ADGRG4: variants seen among roughly 807,000 people sequenced by gnomAD.
ADGRG4 encodes the protein G protein-coupled receptor 112.
ADGRG4 carries 122 observed loss-of-function variants against 126.2 expected under a neutral mutation model. The observed-to-expected ratio is 0.97, with a 90% CI of 0.83 to 1.12. The LOEUF (loss-of-function observed/expected upper bound fraction) is 1.12. ADGRG4 is among the 50% of genes most tolerant of loss of function. The pLI is 0.00. For synonymous variants in ADGRG4, 943 were observed against 838.7 expected, an observed-to-expected ratio of 1.12 and a Z score of -2.15; for missense variants, 2,481 against 2,251.8, an observed-to-expected ratio of 1.10 and a Z score of -2.06.
In ADGRG4 at chrX:136,359,424, A is replaced by G. The variant is rs2075114020; in HGVS notation, c.7113A>G (p.Val2371=). ...CACAAGATCAATTGACGTTATTAGTAAACTGTGAACACGTTGCAGTGAAAA... is the reference window on the plus strand; with the variant it reads ...CACAAGATCAATTGACGTTATTAGTGAACTGTGAACACGTTGCAGTGAAAA... The part of the protein sequence containing the change: ...NFTQDQLTLL[V]NCEHVAVKKL... Residue 2371 remains valine (V), a synonymous_variant, in exon 11 of 26, where the codon GTA becomes GTG. Coordinates refer to ENST00000394143, the MANE Select transcript of ADGRG4 (RefSeq NM_153834.4). The G allele has an allele frequency of 4.1e-6, 5 of 1,207,412 alleles. No individual in the cohort carries two copies. The highest frequency in any genetic ancestry group is 5.6e-6 in the Non-Finnish European group (5 of 893,552).
In ADGRG4 at chrX:136,406,400, A is replaced by G. The variant is rs778713228; in HGVS notation, c.8935+428A>G. On this transcript the variant is annotated intron_variant, in intron 23 of 25. Transcript: ENST00000394143. ...AGCCAGGCTAGACTATCATAGAATC[A>G]TACAGGAATGAAGGTTAAAATCAAA... Among the ~76,000 whole-genome samples the G allele has an allele frequency of 5.8e-3, 651 of 112,353 alleles. 5 individuals are homozygous for G. Among genetic ancestry groups the G allele is most frequent in the Non-Finnish European group, 0.01 (538 of 53,246 alleles).
At chrX:136,402,209 T>G (rs1397904635) in intron 21 of ADGRG4, among the ~76,000 whole-genome samples, 1 of 112,484 alleles carries the variant, frequency 8.9e-6, no homozygotes, top group Non-Finnish European at 1.9e-5. Context: ...CCACAATTAC[T>G]TTTGCACCAA....
chrX:136,396,338 T>C (rs960399963), intron 19 of ADGRG4, among the ~76,000 whole-genome samples: 22 of 105,457 alleles, frequency 2.1e-4, no homozygotes, highest in South Asian at 4.1e-4. Flanking sequence ...TTGAGGGCTG[T>C]GGGTCTGTTT....
chrX:136,397,665 A>G (rs1207199277), intron 19 of ADGRG4, among the ~76,000 whole-genome samples: 1 of 111,055 alleles, frequency 9.0e-6, no homozygotes. Context: ...AATGCTATTG[A>G]TGGCTCCCCA....
intron 3 of ADGRG4, among the ~76,000 whole-genome samples, chrX:136,307,236 G>T (rs2074739782): frequency 1.8e-5 from 2 of 112,024 alleles, no homozygotes; most frequent in Admixed American, 1.9e-4. Context: ...AATTGCCTTC[G>T]AAATATCATC....
intron 5 of ADGRG4, among the ~76,000 whole-genome samples, chrX:136,328,171 C>A (rs760614129): frequency 2.3e-4 from 25 of 110,575 alleles, no homozygotes; most frequent in African/African-American, 7.9e-4. Flanking sequence ...CTATCTGATT[C>A]TTTTGGGGGG....
intron 1 of ADGRG4, among the ~76,000 whole-genome samples, chrX:136,301,747 T>C (rs1161986328): frequency 1.8e-5 from 2 of 112,150 alleles, no homozygotes; most frequent in African/African-American, 6.5e-5. Context: ...CCATCTTGAA[T>C]TGATTTTTGT....
intron 5 of ADGRG4, among the ~76,000 whole-genome samples, chrX:136,335,339 C>A (rs1468815797): frequency 2.8e-5 from 3 of 106,266 alleles, no homozygotes; most frequent in African/African-American, 1.0e-4. Flanking sequence ...TCTGTAATTT[C>A]TTTCTTTTTT....
chrX:136,315,071 A>C lies in ADGRG4; in HGVS notation c.70+6224A>C, dbSNP rs58966927. ...GTGTTGGACAACTCTGTGGCTGGTG[A>C]TTGGTGACAGAAATGAGGATCAGGG... is the stretch of plus-strand genomic sequence containing the variant. On this transcript the variant is annotated intron_variant, in intron 4 of 25. Transcript: ENST00000394143. 4.8e-3 allele frequency among the ~76,000 whole-genome samples: 534 copies of C among 110,907 alleles called. 4 individuals are homozygous for C. The highest frequency in any genetic ancestry group is 0.017 in the African/African-American group (509 of 30,464).
chrX:136,307,778 C>T (rs946481516), intron 3 of ADGRG4, among the ~76,000 whole-genome samples: 2 of 112,474 alleles, frequency 1.8e-5, no homozygotes, highest in Admixed American at 9.4e-5. Context: ...CCCATCAGCA[C>T]CCTACTGCCA....
intron 13 of ADGRG4, among the ~76,000 whole-genome samples, chrX:136,365,528 A>G (rs2075153437): frequency 1.8e-5 from 2 of 112,319 alleles, no homozygotes; most frequent in South Asian, 3.7e-4. Flanking sequence ...CTAGCTGTGC[A>G]CATTTATGTA....
At chrX:136,326,423 C>T (rs916726984) in intron 5 of ADGRG4, among the ~76,000 whole-genome samples, 1 of 112,255 alleles carries the variant, frequency 8.9e-6, no homozygotes, top group Non-Finnish European at 1.9e-5. Context: ...TGCCTAATGT[C>T]ACCAATCAAA....
Position 136,336,117 on chromosome X carries a change from G to A in ADGRG4, c.686-8275G>A, listed in dbSNP as rs74503612. Reference sequence around the variant, plus strand: ...TGTTTTAAATTTTTTTTGTTAAAATGTCTTCTTTGATTCATGGGTTATGCG... The same window carrying A: ...TGTTTTAAATTTTTTTTGTTAAAATATCTTCTTTGATTCATGGGTTATGCG... On this transcript the variant is annotated intron_variant, in intron 5 of 25. Coordinates refer to ENST00000394143, the MANE Select transcript of ADGRG4 (RefSeq NM_153834.4). Among the ~76,000 whole-genome samples the A allele has an allele frequency of 3.4e-3, 378 of 111,254 alleles. 2 individuals are homozygous for A. Among genetic ancestry groups the A allele is most frequent in the African/African-American group, 0.012 (362 of 30,696 alleles).
Position 136,349,906 on chromosome X carries a change from T to C in ADGRG4, c.6200T>C (p.Ile2067Thr). ...CTACCCTCTGCTACTATGAGCACCA[T>C]ACTCACCCGAACCATTCCTACACCT... ...TTLPSATMST[I>T]LTRTIPTPTL... The change falls in exon 6 of 26, where the codon ATA becomes ACA. Residue 2067 changes from isoleucine to threonine, a missense_variant. Physicochemically the swap from Ile to Thr is moderately conservative, Grantham distance 89. Coordinates refer to ENST00000394143, the MANE Select transcript of ADGRG4 (RefSeq NM_153834.4). 8.3e-7 allele frequency: 1 copy of C among 1,210,909 alleles called. No individual in the cohort carries two copies. Among genetic ancestry groups the C allele is most frequent in the Non-Finnish European group, 1.1e-6 (1 of 894,929 alleles).
At chrX:136,399,079 G>A (rs892690088) in intron 20 of ADGRG4, among the ~76,000 whole-genome samples, 2 of 112,135 alleles carry the variant, frequency 1.8e-5, no homozygotes, top group Non-Finnish European at 3.8e-5. Context: ...AAACACAGGT[G>A]AAATCTATGG....
intron 5 of ADGRG4, among the ~76,000 whole-genome samples, chrX:136,334,582 C>CAGTGTA (rs2074938000): frequency 8.9e-6 from 1 of 112,250 alleles, no homozygotes; most frequent in African/African-American, 3.2e-5. Context: ...TCCGTGAACA[C>CAGTGTA]AGTGTGCTTC....
intron 24 of ADGRG4, among the ~76,000 whole-genome samples, chrX:136,413,385 A>G (rs2075457615): frequency 9.1e-6 from 1 of 110,098 alleles, no homozygotes; most frequent in African/African-American, 3.3e-5. Context: ...GATGATTTCC[A>G]ATTTCATCCA....
intron 25 of ADGRG4, 88 bp from the exon 26 acceptor site, chrX:136,416,366 C>T: frequency 2.9e-6 from 2 of 690,582 alleles, no homozygotes; most frequent in Admixed American, 3.0e-5. Context: ...TTATTTTTTC[C>T]TTCATTTGAT....
intron 22 of ADGRG4, among the ~76,000 whole-genome samples, chrX:136,404,635 G>A (rs904949432): frequency 9.0e-6 from 1 of 111,366 alleles, no homozygotes; most frequent in Non-Finnish European, 1.9e-5. Flanking sequence ...TGTTACCCAA[G>A]TGGTAGATAT....
Sources: gnomAD v4.1 joint callset for allele counts (sites outside exome capture counted in the v4.1 genomes callset) on GRCh38, gnomAD v4.1.1 for gene constraint, MANE v1.5 for transcripts, NCBI Gene and HGNC (gene_info 2026-07-23, HGNC 2026-07-21) for gene names.